The following PHLPP1 variants were observed in gnomAD, a reference collection of about 807,000 sequenced individuals.
PHLPP1 encodes PH domain and leucine rich repeat protein phosphatase 1.
PHLPP1 carries 42 observed loss-of-function variants against 117.2 expected under a neutral mutation model. The observed-to-expected ratio is 0.36, with a 90% CI of 0.28 to 0.46. The LOEUF (loss-of-function observed/expected upper bound fraction) is 0.46. Among genes scored for constraint, PHLPP1 ranks in the 20% least tolerant of loss-of-function variants. The pLI is 1.00. For missense variants in PHLPP1, 2,084 were observed against 2,241.9 expected (o/e 0.93, Z 1.42); for synonymous variants, 1,042 against 970.7 (o/e 1.07, Z -1.37).
intron 10 of PHLPP1, among the ~76,000 whole-genome samples, chr18:62,938,253 A>G (rs1293380545): frequency 1.3e-5 from 2 of 152,232 alleles, no homozygotes; most frequent in Non-Finnish European, 2.9e-5. Flanking sequence ...TTATCACATC[A>G]TACAGAGTTG....
At chr18:62,933,951 T>G (rs1200829286) in intron 10 of PHLPP1, among the ~76,000 whole-genome samples, 3 of 152,168 alleles carry the variant, frequency 2.0e-5, no homozygotes, top group East Asian at 3.9e-4. Context: ...AAGAAAAAAT[T>G]CAGGCTGCCA....
intron 1 of PHLPP1, among the ~76,000 whole-genome samples, chr18:62,789,298 T>C (rs559698513): frequency 6.6e-6 from 1 of 152,320 alleles, no homozygotes; most frequent in South Asian, 2.1e-4. Flanking sequence ...ATTTTTGTCT[T>C]AAAAGAATCG....
intron 1 of PHLPP1, among the ~76,000 whole-genome samples, chr18:62,739,901 T>TA (rs1911473013): frequency 6.6e-6 from 1 of 152,196 alleles, no homozygotes; most frequent in African/African-American, 2.4e-5. Context: ...CAAGTAATCA[T>TA]AGTGTATACC....
intron 14 of PHLPP1, 138 bp downstream of exon 14, chr18:62,963,610 T>G: frequency 1.6e-6 from 1 of 612,462 alleles, no homozygotes; most frequent in Admixed American, 2.9e-5. Flanking sequence ...TTCCCCAGAG[T>G]GAGGCTCCCT....
chr18:62,947,072 C>G (rs1910316737), intron 12 of PHLPP1, among the ~76,000 whole-genome samples: 1 of 152,160 alleles, frequency 6.6e-6, no homozygotes, highest in African/African-American at 2.4e-5. Flanking sequence ...ACAACAACAA[C>G]AACAACAAAA....
In PHLPP1 at chr18:62,902,308, A is replaced by C. The variant is rs541905459; in HGVS notation, c.2445-656A>C. Among the ~76,000 whole-genome samples the C allele has an allele frequency of 5.3e-5, 8 of 152,228 alleles. No individual in the cohort carries two copies. In the East Asian group the frequency reaches 1.5e-3, roughly 29 times the overall value. On this transcript the variant is annotated intron_variant, in intron 6 of 16. Transcript: ENST00000262719. ...GATGCCGGATTTCAGTATTTTCTGC[A>C]CTTCACTCTATCAAGCAGTATTTTA...
intron 1 of PHLPP1, among the ~76,000 whole-genome samples, chr18:62,822,356 A>G (rs1914492040): frequency 7.3e-6 from 1 of 137,468 alleles, no homozygotes; most frequent in South Asian, 2.2e-4. Context: ...ATCTTGGCTC[A>G]CTGCAAGCTC....
chr18:62,803,105 C>T (rs1226455481), intron 1 of PHLPP1, among the ~76,000 whole-genome samples: 1 of 152,068 alleles, frequency 6.6e-6, no homozygotes. Context: ...TAGAAATAAT[C>T]TCAAATGTTT....
chr18:62,766,074 A>T (rs868804028), intron 1 of PHLPP1, among the ~76,000 whole-genome samples: 37 of 18,212 alleles, frequency 2.0e-3, no homozygotes, highest in Admixed American at 0.01. Flanking sequence ...AAAAAAAAAA[A>T]AAATATATAT....
chr18:62,856,532 G>A (rs532524778), intron 3 of PHLPP1, among the ~76,000 whole-genome samples: 2 of 152,122 alleles, frequency 1.3e-5, no homozygotes, highest in South Asian at 2.1e-4. Flanking sequence ...GGCTCAAGTG[G>A]TCCGTCCACC....
Position 62,979,392 on chromosome 18 carries a change from G to T in PHLPP1, c.5115G>T (p.Gln1705His). The T allele has an allele frequency of 1.3e-6, 2 of 1,551,520 alleles. No individual in the cohort carries two copies. The highest frequency in any genetic ancestry group is 8.7e-7 in the Non-Finnish European group (1 of 1,146,890). Reference protein sequence around the residue: ...QLQPQLPRHYQLDQLPDYYDT... With the variant: ...QLQPQLPRHYHLDQLPDYYDT... ...AGCCGCAGCTGCCGCGGCACTACCA[G>T]CTGGACCAGCTGCCAGATTATTACG... Residue 1705 changes from glutamine to histidine, a missense_variant, in exon 17 of 17, where the codon CAG (glutamine) becomes CAT (histidine). Gln to His is a conservative substitution (Grantham distance 24). Coordinates refer to ENST00000262719, the MANE Select transcript of PHLPP1 (RefSeq NM_194449.4).
chr18:62,920,375 A>G (rs1599121309), intron 10 of PHLPP1, among the ~76,000 whole-genome samples: 1 of 152,178 alleles, frequency 6.6e-6, no homozygotes, highest in African/African-American at 2.4e-5. Context: ...ATGGGGATGT[A>G]GGTGTAAAAC....
intron 1 of PHLPP1, among the ~76,000 whole-genome samples, chr18:62,824,894 AT>A (rs575787179): frequency 7.4e-6 from 1 of 135,338 alleles, no homozygotes. Flanking sequence ...CCCACCCCCC[AT>A]TTTTTTTAAC....
In PHLPP1 at chr18:62,979,058, G is replaced by A; in HGVS notation, c.4781G>A (p.Gly1594Asp). The stretch of plus-strand genomic sequence containing the variant: ...GTGCCAGCAGAGGCCAGTGATGAGG[G>A]CATTGTCATCAGCGCCAACGAGGAT... ...LQVPAEASDEGIVISANEDEP... is the reference protein window; with the variant it reads ...LQVPAEASDEDIVISANEDEP... The change falls in exon 17 of 17, where the codon GGC becomes GAC. Residue 1594 changes from glycine (G) to aspartate (D), a missense_variant. Coordinates refer to ENST00000262719, the MANE Select transcript of PHLPP1 (RefSeq NM_194449.4). The A allele has an allele frequency of 1.2e-6, 2 of 1,613,742 alleles. No individual in the cohort carries two copies. The highest frequency in any genetic ancestry group is 1.1e-5 in the South Asian group (1 of 91,044).
At chr18:62,848,455 ATTT>A (rs56223512) in intron 3 of PHLPP1, among the ~76,000 whole-genome samples, 1 of 88,544 alleles carries the variant, frequency 1.1e-5, no homozygotes, top group Non-Finnish European at 2.1e-5. Flanking sequence ...TTTTTTGTTG[ATTT>A]TTTTTTTTTT....
chr18:62,899,332 G>A (rs963248848), intron 6 of PHLPP1, among the ~76,000 whole-genome samples: 1 of 152,088 alleles, frequency 6.6e-6, no homozygotes, highest in African/African-American at 2.4e-5. Context: ...ACAGACCCTT[G>A]CATCCCCTGC....
chr18:62,846,209 CAAAAAA>C (rs34577472), intron 3 of PHLPP1, among the ~76,000 whole-genome samples: 5 of 78,676 alleles, frequency 6.4e-5, no homozygotes, highest in Non-Finnish European at 1.2e-4. Context: ...AACTCCATCT[CAAAAAA>C]AAAAAAAAAA....
At chr18:62,838,262 TGTATTTTTCCCCTTGTGAAGAACTTACA>T (rs1914961776) in intron 2 of PHLPP1, 1 of 152,234 alleles carries the variant, frequency 6.6e-6, no homozygotes, top group South Asian at 2.1e-4. Flanking sequence ...ACTTTTGGTG[TGTATTTTTCCCCTTGTGAAGAACTTACA>T]AGGAGTGGAA....
chr18:62,717,754 T>TAG (rs1364646541), intron 1 of PHLPP1, among the ~76,000 whole-genome samples: 2 of 152,122 alleles, frequency 1.3e-5, no homozygotes, highest in Non-Finnish European at 2.9e-5. Context: ...ACTGGTGCCT[T>TAG]TGTTTATTCA....
Sources: gnomAD v4.1 joint callset for allele counts (sites outside exome capture counted in the v4.1 genomes callset) on GRCh38, gnomAD v4.1.1 for gene constraint, MANE v1.5 for transcripts, NCBI Gene and HGNC (gene_info 2026-07-23, HGNC 2026-07-21) for gene names.